Variants in TRIO observed in about 807,000 individuals in gnomAD.
The protein encoded by TRIO is trio Rho guanine nucleotide exchange factor.
In TRIO, 58 loss-of-function variants were observed where a neutral mutation model predicts 351.9. The ratio of observed to expected loss-of-function variants is 0.16; its 90% CI spans 0.13 to 0.21. TRIO has a LOEUF of 0.21. Ranked by LOEUF, TRIO falls within the 10% of genes least tolerant of loss-of-function variation. The pLI, the probability that TRIO is intolerant of heterozygous loss-of-function variation, is 1.00. For synonymous variants in TRIO, 1,758 were observed against 1,595.7 expected (o/e 1.10, Z -2.42); for missense variants, 3,201 against 4,027.8 (o/e 0.79, Z 5.56).
chr5:14,358,494 G>C, intron 12 of TRIO, 147 bp downstream of exon 12: 3 of 807,636 alleles, frequency 3.7e-6, no homozygotes. Flanking sequence ...AAAGGAGAGA[G>C]AAACGGCTCT....
chr5:14,400,212 T>G (rs983739872), intron 30 of TRIO, among the ~76,000 whole-genome samples: 1 of 152,268 alleles, frequency 6.6e-6, no homozygotes, highest in African/African-American at 2.4e-5. Flanking sequence ...GCTAGTAATT[T>G]CATTAGCTGG....
At chr5:14,295,146 G>C (rs1014449205) in intron 6 of TRIO, among the ~76,000 whole-genome samples, 2 of 152,120 alleles carry the variant, frequency 1.3e-5, no homozygotes, top group African/African-American at 4.8e-5. Context: ...TTAACCTTCA[G>C]CCCCTTCTGC....
intron 34 of TRIO, among the ~76,000 whole-genome samples, chr5:14,460,036 C>T (rs1271965809): frequency 2.0e-4 from 31 of 152,112 alleles, no homozygotes; most frequent in Non-Finnish European, 4.4e-5. Flanking sequence ...CTGCCTCAGC[C>T]TCCTGAGTAG....
intron 8 of TRIO, among the ~76,000 whole-genome samples, chr5:14,309,704 C>T (rs1049432046): frequency 4.6e-5 from 7 of 152,182 alleles, no homozygotes; most frequent in African/African-American, 1.7e-4. Context: ...GAGGAGGTGT[C>T]CATCTCACAG....
At chr5:14,155,383 C>T (rs1788045897) in intron 1 of TRIO, among the ~76,000 whole-genome samples, 1 of 152,140 alleles carries the variant, frequency 6.6e-6, no homozygotes, top group Non-Finnish European at 1.5e-5. Context: ...TGATCATAAT[C>T]AGGAAATTAG....
At chr5:14,441,793 T>C (rs1752072533) in intron 34 of TRIO, among the ~76,000 whole-genome samples, 1 of 152,208 alleles carries the variant, frequency 6.6e-6, no homozygotes, top group South Asian at 2.1e-4. Flanking sequence ...ATATTTAGAC[T>C]CTGGCTCTCC....
intron 1 of TRIO, among the ~76,000 whole-genome samples, chr5:14,224,083 T>C (rs2152212391): frequency 6.6e-6 from 1 of 152,198 alleles, no homozygotes; most frequent in East Asian, 1.9e-4. Flanking sequence ...TCATGTTTTA[T>C]TTTGAGAATT....
intron 34 of TRIO, among the ~76,000 whole-genome samples, chr5:14,439,275 A>C (rs1203437000): frequency 6.6e-6 from 1 of 152,168 alleles, no homozygotes; most frequent in African/African-American, 2.4e-5. Context: ...CAGCCTCCCA[A>C]AGTGTTGGGA....
intron 1 of TRIO, among the ~76,000 whole-genome samples, chr5:14,206,650 T>A (rs2152183336): frequency 6.6e-6 from 1 of 152,374 alleles, no homozygotes; most frequent in South Asian, 2.1e-4. Context: ...TCCATTTCGA[T>A]GGTGCCTGTG....
intron 34 of TRIO, among the ~76,000 whole-genome samples, chr5:14,442,087 A>G (rs892993614): frequency 2.6e-5 from 4 of 152,216 alleles, no homozygotes; most frequent in Non-Finnish European, 4.4e-5. Flanking sequence ...GCTTTGTTTC[A>G]GTAACCTTTG....
chr5:14,172,463 G>T (rs1400845940), intron 1 of TRIO, among the ~76,000 whole-genome samples: 1 of 152,218 alleles, frequency 6.6e-6, no homozygotes, highest in Non-Finnish European at 1.5e-5. Context: ...GTGGCAGTCA[G>T]AGTGTTGACC....
intron 34 of TRIO, among the ~76,000 whole-genome samples, chr5:14,428,201 A>C (rs1404633617): frequency 6.6e-6 from 1 of 152,178 alleles, no homozygotes; most frequent in Non-Finnish European, 1.5e-5. Flanking sequence ...GGGTATTAAG[A>C]GTTTAGTGAC....
intron 26 of TRIO, chr5:14,390,582 G>A (rs1178790987): frequency 2.1e-5 from 11 of 536,568 alleles, no homozygotes; most frequent in Non-Finnish European, 3.0e-5. Flanking sequence ...GTCCTTCTGG[G>A]GGATCGTCTA....
intron 33 of TRIO, among the ~76,000 whole-genome samples, chr5:14,417,986 C>A (rs377630507): frequency 1.7e-4 from 26 of 152,296 alleles, no homozygotes; most frequent in African/African-American, 6.3e-4. Context: ...CATCTCCGCC[C>A]TCCCAGTCCA....
intron 11 of TRIO, among the ~76,000 whole-genome samples, chr5:14,356,866 GAAAA>G (rs35878008): frequency 6.6e-6 from 1 of 151,076 alleles, no homozygotes; most frequent in Non-Finnish European, 1.5e-5. Flanking sequence ...AAGCTGGACA[GAAAA>G]AAAAAGAGTA....
intron 13 of TRIO, among the ~76,000 whole-genome samples, chr5:14,362,158 C>A (rs542826529): frequency 6.6e-6 from 1 of 152,158 alleles, no homozygotes; most frequent in Non-Finnish European, 1.5e-5. Flanking sequence ...GCACAGAGGA[C>A]AGTACAGTGG....
rs181302780 is a variant in TRIO at position 14,489,345 on chromosome 5, G to C, written c.7632+1085G>C. 2.8e-3 allele frequency among the ~76,000 whole-genome samples: 425 copies of C among 152,336 alleles called. 2 individuals are homozygous for C. Among genetic ancestry groups the C allele is most frequent in the Middle Eastern group, 0.017 (5 of 294 alleles). On this transcript the variant is annotated intron_variant, in intron 48 of 56. Transcript: ENST00000344204. ...CATTTATTTACAGTTGAAGTGGCCG[G>C]GTAGGCATCCGCTGTCATGGCCACC...
In TRIO at chr5:14,497,815, C is replaced by T; in HGVS notation, c.8020-32C>T. 1 of 1,614,054 alleles carries T rather than the reference C, an allele frequency of 6.2e-7. No individual in the cohort carries two copies. Among genetic ancestry groups the T allele is most frequent in the Non-Finnish European group, 8.5e-7 (1 of 1,179,896 alleles). ...GAATACACCTTAAAGTAGCTCATTT[C>T]AGTTAATGCTTGTTTGCTGTTTCCA... On this transcript the variant is annotated intron_variant, in intron 50 of 56. Coordinates refer to ENST00000344204, the MANE Select transcript of TRIO (RefSeq NM_007118.4). The surrounding 1 kb of genome is among the most constrained non-coding windows in gnomAD (Gnocchi z 4.4).
intron 33 of TRIO, among the ~76,000 whole-genome samples, chr5:14,413,518 G>T (rs1749372732): frequency 6.6e-6 from 1 of 152,322 alleles, no homozygotes; most frequent in Non-Finnish European, 1.5e-5. Flanking sequence ...TGAGTGATGG[G>T]TTCCGTGTGA....
Sources: gnomAD v4.1 joint callset for allele counts (sites outside exome capture counted in the v4.1 genomes callset) on GRCh38, gnomAD v4.1.1 for gene constraint, Gnocchi (gnomAD v3.1) non-coding constraint, MANE v1.5 for transcripts, NCBI Gene and HGNC (gene_info 2026-07-23, HGNC 2026-07-21) for gene names.